ITPKB: variants seen among roughly 807,000 people sequenced by gnomAD.
The protein encoded by ITPKB is inositol-trisphosphate 3-kinase B.
In ITPKB, 13 loss-of-function variants were observed where a neutral mutation model predicts 69.4. The ratio of observed to expected loss-of-function variants is 0.19; its 90% CI spans 0.12 to 0.30. ITPKB has a LOEUF of 0.30. ITPKB is among the 10% of genes least tolerant of loss of function. ITPKB has a pLI of 1.00. For missense variants in ITPKB, 1,240 were observed against 1,250.5 expected (o/e 0.99, Z 0.13); for synonymous variants, 584 against 513.7 (o/e 1.14, Z -1.85).
At chr1:226,708,022 G>T (rs1656849424) in intron 2 of ITPKB, 2 of 469,178 alleles carry the variant, frequency 4.3e-6, no homozygotes, top group Admixed American at 4.2e-5. Context: ...GGAGTAAGAT[G>T]ATGTAAATGA....
intron 2 of ITPKB, among the ~76,000 whole-genome samples, chr1:226,665,856 G>T (rs570741113): frequency 1.3e-5 from 2 of 152,348 alleles, no homozygotes; most frequent in East Asian, 3.9e-4. Flanking sequence ...GTGAGGCGAG[G>T]AGACACTCAC....
chr1:226,689,348 A>G lies in ITPKB; in HGVS notation c.1933-40577T>C, dbSNP rs564247099. On this transcript the variant is annotated intron_variant, in intron 2 of 7. Coordinates refer to ENST00000429204, the MANE Select transcript of ITPKB (RefSeq NM_002221.4). ...TCTCAGAACATTTTTGGAAAGTCCT[A>G]TTGTGGAGCAGCCTTTGTTTCCCAG... Among the ~76,000 whole-genome samples the G allele has an allele frequency of 3.3e-5, 5 of 152,266 alleles. No homozygotes were observed. The East Asian group carries it at 9.6e-4, about 29-fold the overall frequency.
intron 2 of ITPKB, among the ~76,000 whole-genome samples, chr1:226,708,167 A>G (rs2102635057): frequency 6.6e-6 from 1 of 152,380 alleles, no homozygotes; most frequent in South Asian, 2.1e-4. Context: ...GCAATTGATC[A>G]AAGACCAAAT....
At chr1:226,684,401 A>G (rs1558084807) in intron 2 of ITPKB, among the ~76,000 whole-genome samples, 1 of 152,200 alleles carries the variant, frequency 6.6e-6, no homozygotes, top group Non-Finnish European at 1.5e-5. Flanking sequence ...CCTCCCTCGA[A>G]AGCCTGCATG....
In ITPKB at chr1:226,641,447, T is replaced by C. The variant is rs905957508; in HGVS notation, c.2451+474A>G. Among the ~76,000 whole-genome samples, 1 of 152,274 alleles carries C rather than the reference T, an allele frequency of 6.6e-6. No individual in the cohort carries two copies. The highest frequency in any genetic ancestry group is 1.5e-5 in the Non-Finnish European group (1 of 68,048). ...GTTTCTATTTCTGTTCCAATAAATA[T>C]TTTAAAATTTCCAAAAAAAGATCGA... On this transcript the variant is annotated intron_variant, in intron 5 of 7. Coordinates refer to ENST00000429204, the MANE Select transcript of ITPKB (RefSeq NM_002221.4). The surrounding 1 kb of genome is among the most constrained non-coding windows in gnomAD (Gnocchi z 4.6).
intron 2 of ITPKB, among the ~76,000 whole-genome samples, chr1:226,668,536 T>C (rs953827360): frequency 1.3e-5 from 2 of 152,268 alleles, no homozygotes; most frequent in African/African-American, 2.4e-5. Flanking sequence ...TGGGAGTTTC[T>C]ATTTATGTTT....
intron 4 of ITPKB, among the ~76,000 whole-genome samples, chr1:226,646,473 T>C (rs1669064720): frequency 6.6e-6 from 1 of 151,996 alleles, no homozygotes; most frequent in South Asian, 2.1e-4. Flanking sequence ...TCTTCCTCTC[T>C]CCTCTTCCCT....
At chr1:226,643,870 C>A (rs540495252) in intron 4 of ITPKB, among the ~76,000 whole-genome samples, 18 of 152,350 alleles carry the variant, frequency 1.2e-4, no homozygotes, top group Middle Eastern at 3.4e-3. Flanking sequence ...CACCACTGCA[C>A]ACACACAGGT....
intron 2 of ITPKB, among the ~76,000 whole-genome samples, chr1:226,689,876 C>T (rs527799423): frequency 3.3e-5 from 5 of 152,210 alleles, no homozygotes; most frequent in African/African-American, 9.6e-5. Context: ...ATTTGGTTTT[C>T]GGTTCCTGTG....
chr1:226,711,438 AGAGAGT>A (rs764669490), intron 2 of ITPKB, among the ~76,000 whole-genome samples: 16,460 of 114,556 alleles, frequency 0.14, 735 homozygotes, highest in African/African-American at 0.18. Flanking sequence ...AGAGAGAGAG[AGAGAGT>A]GTGTGTGTGT....
intron 2 of ITPKB, among the ~76,000 whole-genome samples, chr1:226,677,589 C>T (rs3820639): frequency 6.6e-6 from 1 of 152,136 alleles, no homozygotes; most frequent in Admixed American, 6.5e-5. Context: ...CCTTAAGGGC[C>T]CAGCTCAGAG....
chr1:226,693,038 G>A (rs149289539), intron 2 of ITPKB, among the ~76,000 whole-genome samples: 22 of 152,292 alleles, frequency 1.4e-4, no homozygotes, highest in Middle Eastern at 3.4e-3. Context: ...AATAAGGTTC[G>A]GCTGCTCAGG....
At chr1:226,675,665 A>C (rs571944437) in intron 2 of ITPKB, among the ~76,000 whole-genome samples, 1 of 152,236 alleles carries the variant, frequency 6.6e-6, no homozygotes, top group African/African-American at 2.4e-5. Context: ...CTCGATTTCT[A>C]CTTCCTCTAT....
chr1:226,736,365 TC>T lies in ITPKB; in HGVS notation c.1093del (p.Asp365MetfsTer34). ...SPAPERGGPR[D>X]GEPPGKMGKG... Reference sequence around the variant, plus strand: ...CCCCATCTTCCCAGGGGGTTCTCCATCGCGGGGCCCGCCCCTTTCTGGGGCT... The same window carrying T: ...CCCCATCTTCCCAGGGGGTTCTCCATGCGGGGCCCGCCCCTTTCTGGGGCT... On this transcript the variant is annotated frameshift_variant, in exon 2 of 8. Transcript: ENST00000429204. LOFTEE classifies it high-confidence loss of function. The T allele has an allele frequency of 6.2e-7, 1 of 1,612,500 alleles. No homozygotes were observed. Among genetic ancestry groups the T allele is most frequent in the Non-Finnish European group, 8.5e-7 (1 of 1,179,816 alleles).
At chr1:226,724,527 T>C (rs1434584016) in intron 2 of ITPKB, among the ~76,000 whole-genome samples, 1 of 152,192 alleles carries the variant, frequency 6.6e-6, no homozygotes. Flanking sequence ...TGCTAGGCAT[T>C]TCCCACATTA....
chr1:226,671,617 T>C (rs1156732659), intron 2 of ITPKB, among the ~76,000 whole-genome samples: 2 of 152,150 alleles, frequency 1.3e-5, no homozygotes, highest in Non-Finnish European at 2.9e-5. Context: ...GCTATGAGCA[T>C]CCTGAAGATA....
chr1:226,654,158 T>G (rs1270801406), intron 2 of ITPKB, among the ~76,000 whole-genome samples: 1 of 152,142 alleles, frequency 6.6e-6, no homozygotes, highest in Non-Finnish European at 1.5e-5. Context: ...GGTGTGGTTT[T>G]GTCCCCTGGC....
chr1:226,655,059 G>C (rs79962983), intron 2 of ITPKB, among the ~76,000 whole-genome samples: 13,747 of 147,758 alleles, frequency 0.093, 697 homozygotes, highest in East Asian at 0.15. Context: ...GAAGAAGGAA[G>C]AAGAGGAGGT....
intron 3 of ITPKB, 130 bp from the exon 4 acceptor site, chr1:226,647,510 G>A (rs1215490693): frequency 4.5e-6 from 3 of 668,994 alleles, no homozygotes; most frequent in Non-Finnish European, 8.0e-6. Context: ...CTATGTCCCT[G>A]CTATGGACTG....
Sources: gnomAD v4.1 joint callset for allele counts (sites outside exome capture counted in the v4.1 genomes callset) on GRCh38, gnomAD v4.1.1 for gene constraint, Gnocchi (gnomAD v3.1) non-coding constraint, MANE v1.5 for transcripts, NCBI Gene and HGNC (gene_info 2026-07-23, HGNC 2026-07-21) for gene names.